The following PTPRT variants were observed in gnomAD, a reference collection of about 807,000 sequenced individuals.
The protein encoded by PTPRT is receptor-type tyrosine-protein phosphatase T.
In PTPRT, 56 loss-of-function variants were observed where a neutral mutation model predicts 176.8. The ratio of observed to expected loss-of-function variants is 0.32; its 90% CI spans 0.26 to 0.40. The LOEUF (loss-of-function observed/expected upper bound fraction) is 0.40, where lower values mean the gene tolerates loss of function less well. Ranked by LOEUF, PTPRT falls within the 10% of genes least tolerant of loss-of-function variation. PTPRT has a pLI of 1.00. For missense variants in PTPRT, 1,540 were observed against 1,908.2 expected (o/e 0.81, Z 3.60); for synonymous variants, 783 against 739.0 (o/e 1.06, Z -0.96).
intron 6 of PTPRT, 147 bp from the exon 7 acceptor site, chr20:42,678,306 A>G (rs1000538898): frequency 3.6e-5 from 29 of 803,628 alleles, no homozygotes; most frequent in Non-Finnish European, 5.0e-5. Flanking sequence ...TATTATTTTT[A>G]TTTTATATTT....
intron 1 of PTPRT, among the ~76,000 whole-genome samples, chr20:43,141,295 G>A (rs1334302980): frequency 2.6e-5 from 4 of 152,138 alleles, no homozygotes; most frequent in African/African-American, 9.7e-5. Flanking sequence ...GGCCCAGTCG[G>A]GCAGCTCTTC....
At chr20:42,908,132 C>T (rs1338386120) in intron 1 of PTPRT, among the ~76,000 whole-genome samples, 2 of 152,054 alleles carry the variant, frequency 1.3e-5, no homozygotes, top group African/African-American at 4.8e-5. Flanking sequence ...ATCCCAAACA[C>T]GACCCACCGG....
chr20:42,152,255 A>G (rs944499851), intron 17 of PTPRT, among the ~76,000 whole-genome samples: 2 of 152,276 alleles, frequency 1.3e-5, no homozygotes. Context: ...AACAAATTCC[A>G]TCTTCTGTGC....
rs890727064 is a variant in PTPRT at position 43,072,560 on chromosome 20, G to GA, written c.88+117085dup. ...CTGCAAACCTTAGCTCTGGAAAAAA[G>GA]AAAAAAAAACTCATTTCCAACCCAG... On this transcript the variant is annotated intron_variant, in intron 1 of 30. Transcript: ENST00000373187. 6.9e-4 allele frequency among the ~76,000 whole-genome samples: 104 copies of GA among 150,896 alleles called. 1 individual carries two copies. Among genetic ancestry groups the GA allele is most frequent in the African/African-American group, 1.9e-3 (78 of 41,244 alleles).
chr20:42,560,934 C>G (rs563490378), intron 7 of PTPRT, among the ~76,000 whole-genome samples: 4 of 152,152 alleles, frequency 2.6e-5, no homozygotes, highest in Non-Finnish European at 5.9e-5. Flanking sequence ...TCCCTCCACT[C>G]TCCACCCCCA....
chr20:42,601,087 A>G (rs1468062875), intron 7 of PTPRT, among the ~76,000 whole-genome samples: 2 of 152,150 alleles, frequency 1.3e-5, no homozygotes, highest in African/African-American at 4.8e-5. Context: ...TACCATGCTC[A>G]GCTCCATCCC....
At chr20:42,536,338 T>C (rs6093671) in intron 7 of PTPRT, among the ~76,000 whole-genome samples, 1,703 of 152,314 alleles carry the variant, frequency 0.011, 28 homozygotes, top group African/African-American at 0.039. Context: ...TCATAACTGA[T>C]ATTCCCAAGA....
intron 1 of PTPRT, among the ~76,000 whole-genome samples, chr20:42,915,799 A>T (rs1978703782): frequency 6.6e-6 from 1 of 151,142 alleles, no homozygotes. Flanking sequence ...GGGTTTTGCC[A>T]TGTTGCCCAG....
intron 6 of PTPRT, among the ~76,000 whole-genome samples, chr20:42,736,888 G>C (rs957251767): frequency 2.0e-5 from 3 of 152,210 alleles, no homozygotes; most frequent in Non-Finnish European, 4.4e-5. Flanking sequence ...TGTCTGCTGT[G>C]AATCTGTGGT....
chr20:42,743,159 G>T (rs146579507), intron 6 of PTPRT, among the ~76,000 whole-genome samples: 2 of 152,150 alleles, frequency 1.3e-5, no homozygotes, highest in Non-Finnish European at 2.9e-5. Context: ...CCACCAGGCC[G>T]CATTCCATCA....
chr20:42,866,090 T>C (rs999684845), intron 2 of PTPRT, among the ~76,000 whole-genome samples: 7 of 152,172 alleles, frequency 4.6e-5, no homozygotes, highest in African/African-American at 7.2e-5. Flanking sequence ...CATGTTGGGA[T>C]AGGACCCAGG....
At chr20:42,106,992 T>C in intron 23 of PTPRT, 71 bp from the exon 24 acceptor site, 1 of 1,562,168 alleles carries the variant, frequency 6.4e-7, no homozygotes, top group Non-Finnish European at 8.7e-7. Context: ...CCCCTAGCAT[T>C]CAGCCCTATC....
At chr20:42,830,354 TTATCTC>T (rs2078063878) in intron 2 of PTPRT, among the ~76,000 whole-genome samples, 1 of 152,218 alleles carries the variant, frequency 6.6e-6, no homozygotes, top group African/African-American at 2.4e-5. Context: ...AGCCACATGA[TTATCTC>T]TATAGATGCA....
chr20:42,351,066 A>T (rs1600873663), intron 10 of PTPRT, among the ~76,000 whole-genome samples: 1 of 152,170 alleles, frequency 6.6e-6, no homozygotes, highest in Non-Finnish European at 1.5e-5. Flanking sequence ...CTTGCCAAAC[A>T]CATTTAAAAT....
chr20:42,565,429 A>G (rs2145665771), intron 7 of PTPRT, among the ~76,000 whole-genome samples: 1 of 152,284 alleles, frequency 6.6e-6, no homozygotes, highest in East Asian at 1.9e-4. Flanking sequence ...GATGACAGGC[A>G]GACACACTGC....
rs796963114 is a variant in PTPRT, at chr20:42,327,648, T to C, written c.1866-11652A>G. 9.9e-5 allele frequency among the ~76,000 whole-genome samples: 15 copies of C among 152,206 alleles called. 1 individual carries two copies. The highest frequency in any genetic ancestry group is 3.1e-4 in the African/African-American group (13 of 41,554). On this transcript the variant is annotated intron_variant, in intron 11 of 30. Transcript: ENST00000373187. ...GCAAAATGCTTATGACTGGCAAATC[T>C]ATGGGAAGGATATGTGGATGGTTAT...
the PTPRT span, among the ~76,000 whole-genome samples, chr20:42,033,543 C>A: frequency 6.6e-6 from 1 of 152,200 alleles, no homozygotes; most frequent in African/African-American, 2.4e-5. Context: ...ATTCTCACAG[C>A]CTGTAAAAGG....
At position 42,203,102 on chromosome 20, in the gene PTPRT, C is replaced by A. The variant is rs545127118; in HGVS notation, c.2343-3714G>T. Among the ~76,000 whole-genome samples the A allele has an allele frequency of 7.9e-5, 12 of 152,214 alleles. No homozygotes were observed. In the South Asian group the frequency reaches 2.1e-3, roughly 26 times the overall value. ...CATGGTGATAATAATGTTATATAAT[C>A]ATTTTAATGTATGGATAGATGTTAT... On this transcript the variant is annotated intron_variant, in intron 15 of 30. Coordinates refer to ENST00000373187, the MANE Select transcript of PTPRT (RefSeq NM_007050.6).
At chr20:42,822,032 C>T (rs1317104366) in intron 2 of PTPRT, among the ~76,000 whole-genome samples, 1 of 152,180 alleles carries the variant, frequency 6.6e-6, no homozygotes, top group Non-Finnish European at 1.5e-5. Flanking sequence ...CTACCATTGA[C>T]ATTACTCACA....
Sources: allele counts gnomAD v4.1 joint callset (sites outside exome capture counted in the v4.1 genomes callset), GRCh38; gene constraint gnomAD v4.1.1; transcripts MANE v1.5; gene names NCBI Gene and HGNC (gene_info 2026-07-23, HGNC 2026-07-21).